USP32: variants seen among roughly 807,000 people sequenced by gnomAD.
USP32 encodes ubiquitin carboxyl-terminal hydrolase 32.
USP32 carries 59 observed loss-of-function variants against 204.8 expected under a neutral mutation model. The observed-to-expected ratio is 0.29, with a 90% CI of 0.23 to 0.36. USP32 has a LOEUF of 0.36. Ranked by LOEUF, USP32 falls within the 10% of genes least tolerant of loss-of-function variation. USP32 has a pLI of 1.00. For missense variants in USP32, 1,160 were observed against 1,946.4 expected (o/e 0.60, Z 7.60); for synonymous variants, 517 against 678.4 (o/e 0.76, Z 3.70).
chr17:60,314,969 C>T (rs186083144), intron 2 of USP32, among the ~76,000 whole-genome samples: 1 of 152,116 alleles, frequency 6.6e-6, no homozygotes, highest in African/African-American at 2.4e-5. Flanking sequence ...ATTATATATC[C>T]AACAACAAAA....
intron 2 of USP32, among the ~76,000 whole-genome samples, chr17:60,323,769 C>A (rs1289507358): frequency 6.6e-6 from 1 of 152,068 alleles, no homozygotes; most frequent in African/African-American, 2.4e-5. Flanking sequence ...TCAAATATAA[C>A]AAGAAAGAAG....
At chr17:60,297,812 T>G (rs1248250894) in intron 3 of USP32, among the ~76,000 whole-genome samples, 1 of 152,204 alleles carries the variant, frequency 6.6e-6, no homozygotes, top group East Asian at 1.9e-4. Flanking sequence ...GAATAAGCAC[T>G]GGCCTTGAGA....
In USP32 at chr17:60,351,416, T is replaced by C. The variant is rs117695334; in HGVS notation, c.59-5808A>G. 5.6e-3 allele frequency among the ~76,000 whole-genome samples: 849 copies of C among 151,694 alleles called. 3 individuals carry two copies. Among genetic ancestry groups the C allele is most frequent in the Non-Finnish European group, 8.8e-3 (595 of 67,990 alleles). ...GCTGATTTTTTTCAACAAGCATTTA[T>C]GAAATGTCTACTATGCCAGGCTTCT... On this transcript the variant is annotated intron_variant, in intron 1 of 33. Coordinates refer to ENST00000300896, the MANE Select transcript of USP32 (RefSeq NM_032582.4).
upstream of USP32, among the ~76,000 whole-genome samples, chr17:60,392,960 G>A (rs1052162279): frequency 2.0e-4 from 30 of 151,584 alleles, no homozygotes; most frequent in African/African-American, 6.3e-4. Context: ...GTTTTAATCT[G>A]TGGTAAAATA....
chr17:60,312,361 T>G (rs2087873501), intron 2 of USP32, among the ~76,000 whole-genome samples: 1 of 152,226 alleles, frequency 6.6e-6, no homozygotes, highest in Non-Finnish European at 1.5e-5. Context: ...ATTAATGTTT[T>G]CAAATTTTCA....
chr17:60,233,893 C>T (rs1034767964), intron 12 of USP32, among the ~76,000 whole-genome samples: 2 of 152,094 alleles, frequency 1.3e-5, no homozygotes, highest in Non-Finnish European at 2.9e-5. Flanking sequence ...CCTTTCTCTC[C>T]ATATAAAGCG....
At chr17:60,331,857 C>T (rs898638321) in intron 2 of USP32, among the ~76,000 whole-genome samples, 5 of 148,676 alleles carry the variant, frequency 3.4e-5, no homozygotes, top group Non-Finnish European at 7.4e-5. Context: ...TGTGATCATG[C>T]CACTGTACTC....
chr17:60,237,128 A>AC (rs2085750941), intron 11 of USP32, among the ~76,000 whole-genome samples: 1 of 150,186 alleles, frequency 6.7e-6, no homozygotes, highest in South Asian at 2.1e-4. Flanking sequence ...CTATCTATCT[A>AC]TCTATCTATC....
At chr17:60,414,357 G>A (rs1016886448) in intron 1 of USP32, among the ~76,000 whole-genome samples, 2 of 150,728 alleles carry the variant, frequency 1.3e-5, no homozygotes, top group African/African-American at 4.9e-5. Context: ...AGCAAGACAA[G>A]ATGTTATCTT....
rs1413140233 is a variant in USP32, at chr17:60,380,004, C to CAT, written c.58+11876_58+11877dup. Among the ~76,000 whole-genome samples, 7 of 151,876 alleles carry CAT rather than the reference C, an allele frequency of 4.6e-5. No homozygotes were observed. In the East Asian group the frequency reaches 1.3e-3, roughly 29 times the overall value. The stretch of plus-strand genomic sequence containing the variant: ...ACATAAAACATGTGTTATTTATGTA[C>CAT]ATATATATGTAAAAATACTCAAATA... On this transcript the variant is annotated intron_variant, in intron 1 of 33. Coordinates refer to ENST00000300896, the MANE Select transcript of USP32 (RefSeq NM_032582.4).
chr17:60,415,133 A>C (rs1177277221), intron 1 of USP32, among the ~76,000 whole-genome samples: 1 of 152,152 alleles, frequency 6.6e-6, no homozygotes, highest in Non-Finnish European at 1.5e-5. Context: ...GTCCTTGCTT[A>C]GTCTCACTTG....
At position 60,197,611 on chromosome 17, in the gene USP32, A is replaced by G. The variant is rs188632065; in HGVS notation, c.3434+649T>C. On this transcript the variant is annotated intron_variant, in intron 27 of 33. Transcript: ENST00000300896. ...AAGAGCAAAACTCTGCTGTAAAGGG[A>G]AAAAAAGAAAAGAAAAGAAAAATGA... Among the ~76,000 whole-genome samples the G allele has an allele frequency of 5.5e-4, 84 of 152,322 alleles. 1 individual carries two copies. Among genetic ancestry groups the G allele is most frequent in the Non-Finnish European group, 8.8e-5 (6 of 68,028 alleles).
chr17:60,217,058 G>A (rs992473056), intron 16 of USP32, among the ~76,000 whole-genome samples: 10 of 152,176 alleles, frequency 6.6e-5, no homozygotes, highest in Non-Finnish European at 1.3e-4. Flanking sequence ...TATAAGTATA[G>A]TATTCAAGTC....
At chr17:60,294,572 C>G (rs572045638) in intron 4 of USP32, 111 bp downstream of exon 4, 20 of 575,768 alleles carry the variant, frequency 3.5e-5, no homozygotes, top group Non-Finnish European at 5.3e-5. Flanking sequence ...ATAAAAATGC[C>G]AAGAGTAATC....
intron 11 of USP32, among the ~76,000 whole-genome samples, chr17:60,239,709 T>C (rs764277165): frequency 6.6e-6 from 1 of 152,142 alleles, no homozygotes; most frequent in Non-Finnish European, 1.5e-5. Flanking sequence ...CATATATCAT[T>C]CTCTTGGTTT....
intron 26 of USP32, among the ~76,000 whole-genome samples, chr17:60,199,029 T>C (rs1567759024): frequency 6.6e-6 from 1 of 151,928 alleles, no homozygotes; most frequent in Non-Finnish European, 1.5e-5. Flanking sequence ...GGTGGGAGGA[T>C]TGCCTGAGTC....
intron 2 of USP32, among the ~76,000 whole-genome samples, chr17:60,307,815 A>G (rs1253566357): frequency 6.6e-6 from 1 of 152,098 alleles, no homozygotes; most frequent in Non-Finnish European, 1.5e-5. Context: ...AGGTGTGCCT[A>G]TAAAAATCCC....
At chr17:60,210,554 A>C (rs938169633) in intron 21 of USP32, among the ~76,000 whole-genome samples, 1 of 152,136 alleles carries the variant, frequency 6.6e-6, no homozygotes, top group Non-Finnish European at 1.5e-5. Context: ...TGATCCACCC[A>C]CCTCGGCCTC....
At chr17:60,378,604 G>A (rs1462201762) in intron 1 of USP32, among the ~76,000 whole-genome samples, 2 of 152,026 alleles carry the variant, frequency 1.3e-5, no homozygotes, top group African/African-American at 4.8e-5. Flanking sequence ...AAATTATTCA[G>A]TCAAAAAAAG....
Sources: gnomAD v4.1 joint callset for allele counts (sites outside exome capture counted in the v4.1 genomes callset) on GRCh38, gnomAD v4.1.1 for gene constraint, MANE v1.5 for transcripts, NCBI Gene and HGNC (gene_info 2026-07-23, HGNC 2026-07-21) for gene names.